KCNMB2: variants seen among roughly 807,000 people sequenced by gnomAD.
KCNMB2 encodes potassium calcium-activated channel subfamily M regulatory beta subunit 2.
Under a neutral mutation model 24.5 loss-of-function variants are expected in KCNMB2, and 9 were observed. The ratio of observed to expected loss-of-function variants is 0.37; its 90% CI spans 0.22 to 0.64. KCNMB2 has a LOEUF of 0.64. Among genes scored for constraint, KCNMB2 ranks in the 30% least tolerant of loss-of-function variants. KCNMB2 has a pLI of 0.63. For synonymous variants in KCNMB2, 109 were observed against 104.4 expected, an observed-to-expected ratio of 1.04 and a Z score of -0.27; for missense variants, 226 against 284.3, an observed-to-expected ratio of 0.79 and a Z score of 1.47.
At chr3:178,585,098 A>G (rs940850479) in intron 1 of KCNMB2, among the ~76,000 whole-genome samples, 1 of 152,208 alleles carries the variant, frequency 6.6e-6, no homozygotes, top group Admixed American at 6.5e-5. Context: ...GGTCAAATTA[A>G]AACTCTCTGG....
chr3:178,538,965 T>C (rs1311274632), intron 1 of KCNMB2, among the ~76,000 whole-genome samples: 2 of 152,202 alleles, frequency 1.3e-5, no homozygotes, highest in Non-Finnish European at 2.9e-5. Context: ...TCTCCAGCTA[T>C]GCAAAAAGCA....
intron 3 of KCNMB2, among the ~76,000 whole-genome samples, chr3:178,827,215 T>G (rs941096975): frequency 2.6e-5 from 4 of 152,214 alleles, no homozygotes; most frequent in Admixed American, 2.6e-4. Flanking sequence ...TTACAAATGT[T>G]AATCTTGATC....
chr3:178,742,747 G>A (rs993399993), intron 1 of KCNMB2, among the ~76,000 whole-genome samples: 2 of 152,120 alleles, frequency 1.3e-5, no homozygotes, highest in African/African-American at 4.8e-5. Context: ...ATATGGCTGG[G>A]GATGGGGTAA....
chr3:178,672,247 G>A lies in KCNMB2; in HGVS notation c.-67-135096G>A, dbSNP rs57917754. Among the ~76,000 whole-genome samples the A allele has an allele frequency of 5.8e-3, 882 of 152,226 alleles. 8 individuals carry two copies. Among genetic ancestry groups the A allele is most frequent in the African/African-American group, 0.02 (830 of 41,530 alleles). On this transcript the variant is annotated intron_variant, in intron 1 of 4. Coordinates refer to ENST00000452583, the MANE Select transcript of KCNMB2 (RefSeq NM_181361.3). ...CCTTCTATGTAAAGCCTTGTCACAT[G>A]GATTCCTTACCACACCCCTGTGAGG...
At chr3:178,652,200 T>G (rs762653040) in intron 1 of KCNMB2, among the ~76,000 whole-genome samples, 10 of 152,088 alleles carry the variant, frequency 6.6e-5, no homozygotes, top group Non-Finnish European at 1.3e-4. Context: ...ATCCAGAATC[T>G]ACAAGGAACT....
chr3:178,597,048 G>A (rs577660621), intron 1 of KCNMB2, among the ~76,000 whole-genome samples: 26 of 152,248 alleles, frequency 1.7e-4, no homozygotes, highest in African/African-American at 4.8e-4. Flanking sequence ...TCTTCTCCAC[G>A]CAGATGCCAT....
chr3:178,777,399 A>G (rs899537744), intron 1 of KCNMB2, among the ~76,000 whole-genome samples: 1 of 152,158 alleles, frequency 6.6e-6, no homozygotes, highest in Non-Finnish European at 1.5e-5. Context: ...ACGCCACTGC[A>G]CTCCAGCCCG....
chr3:178,836,201 C>T (rs918020922), intron 4 of KCNMB2, among the ~76,000 whole-genome samples: 3 of 152,082 alleles, frequency 2.0e-5, no homozygotes, highest in Non-Finnish European at 4.4e-5. Flanking sequence ...TGTCACTCTT[C>T]GCTTCACACA....
At chr3:178,568,246 C>T (rs912582749) in intron 1 of KCNMB2, among the ~76,000 whole-genome samples, 1 of 152,076 alleles carries the variant, frequency 6.6e-6, no homozygotes, top group African/African-American at 2.4e-5. Context: ...AGTAGTTTCC[C>T]TTTCTCCTTT....
intron 1 of KCNMB2, among the ~76,000 whole-genome samples, chr3:178,730,746 G>A (rs1193948381): frequency 1.3e-5 from 2 of 152,070 alleles, no homozygotes; most frequent in African/African-American, 4.8e-5. Context: ...AATAAGCTCA[G>A]CTAATGCCTG....
At chr3:178,758,768 GATAT>G (rs1173578451) in intron 1 of KCNMB2, among the ~76,000 whole-genome samples, 17 of 52 alleles carry the variant, frequency 0.33, 2 homozygotes, top group Non-Finnish European at 0.36. Flanking sequence ...CTCCAAGAGG[GATAT>G]ATATATATAT....
intron 1 of KCNMB2, among the ~76,000 whole-genome samples, chr3:178,640,553 C>A (rs1560143964): frequency 6.6e-6 from 1 of 152,136 alleles, no homozygotes; most frequent in South Asian, 2.1e-4. Context: ...GGACCCAGAG[C>A]CAAACCATAT....
intron 1 of KCNMB2, among the ~76,000 whole-genome samples, chr3:178,731,596 C>T (rs1387437130): frequency 6.6e-6 from 1 of 152,090 alleles, no homozygotes; most frequent in East Asian, 1.9e-4. Flanking sequence ...AGCAGTCCTG[C>T]CAAAAAATTA....
chr3:178,822,269 G>A (rs1714661520), intron 2 of KCNMB2, among the ~76,000 whole-genome samples: 1 of 152,084 alleles, frequency 6.6e-6, no homozygotes, highest in South Asian at 2.1e-4. Context: ...TGTCTCATTT[G>A]GTTAACTCTG....
At chr3:178,706,369 A>G (rs1178547554) in intron 1 of KCNMB2, among the ~76,000 whole-genome samples, 1 of 152,130 alleles carries the variant, frequency 6.6e-6, no homozygotes, top group East Asian at 1.9e-4. Context: ...CCTTTTTGCA[A>G]TTATATGCCC....
At chr3:178,567,400 C>T (rs899661093) in intron 1 of KCNMB2, among the ~76,000 whole-genome samples, 1 of 152,046 alleles carries the variant, frequency 6.6e-6, no homozygotes, top group Non-Finnish European at 1.5e-5. Flanking sequence ...ATATGTAATA[C>T]AACTAGTGGC....
At chr3:178,611,277 T>C (rs938010070) in intron 1 of KCNMB2, among the ~76,000 whole-genome samples, 1 of 152,234 alleles carries the variant, frequency 6.6e-6, no homozygotes, top group Non-Finnish European at 1.5e-5. Flanking sequence ...TAGTAGCCAC[T>C]AGTAATCCTT....
chr3:178,632,224 T>G (rs1241421526), intron 1 of KCNMB2, among the ~76,000 whole-genome samples: 1 of 151,982 alleles, frequency 6.6e-6, no homozygotes, highest in Non-Finnish European at 1.5e-5. Flanking sequence ...CAACAAACAA[T>G]AACATTACAG....
intron 1 of KCNMB2, among the ~76,000 whole-genome samples, chr3:178,614,178 T>G (rs902413058): frequency 1.4e-5 from 2 of 142,936 alleles, no homozygotes; most frequent in Non-Finnish European, 3.0e-5. Context: ...GTCTCTTTGT[T>G]AAATTTATCT....
Sources: allele counts gnomAD v4.1 joint callset (sites outside exome capture counted in the v4.1 genomes callset), GRCh38; gene constraint gnomAD v4.1.1; transcripts MANE v1.5; gene names NCBI Gene and HGNC (gene_info 2026-07-23, HGNC 2026-07-21).